The following CSMD1 variants were observed in gnomAD, a reference collection of about 807,000 sequenced individuals.
The protein encoded by CSMD1 is CUB and Sushi multiple domains 1, also known as CUB and sushi domain-containing protein 1.
In CSMD1, 213 loss-of-function variants were observed where a neutral mutation model predicts 417.5. The ratio of observed to expected loss-of-function variants is 0.51; its 90% CI spans 0.46 to 0.57. The LOEUF (loss-of-function observed/expected upper bound fraction) is 0.57, where lower values mean the gene tolerates loss of function less well. Ranked by LOEUF, CSMD1 falls within the 20% of genes least tolerant of loss-of-function variation. The pLI is 0.00. For synonymous variants in CSMD1, 2,862 were observed against 1,736.8 expected (o/e 1.65, Z -16.11); for missense variants, 6,923 against 4,529.7 (o/e 1.53, Z -15.17).
chr8:4,218,151 T>G (rs895464474), intron 3 of CSMD1, among the ~76,000 whole-genome samples: 2 of 152,200 alleles, frequency 1.3e-5, no homozygotes, highest in African/African-American at 4.8e-5. Context: ...TCCTACATGC[T>G]GAACGTTCTA....
chr8:3,365,080 G>T lies in CSMD1; in HGVS notation c.3115+1952C>A, dbSNP rs1291152870. On this transcript the variant is annotated intron_variant, in intron 20 of 69. Coordinates refer to ENST00000635120, the MANE Select transcript of CSMD1 (RefSeq NM_033225.6). ...GTCCTGATGAAAGTAAGAACTGGAG[G>T]AAGTGATATTCTCATAGCAATACTA... Among the ~76,000 whole-genome samples the T allele has an allele frequency of 5.3e-5, 8 of 152,160 alleles. 1 individual carries two copies. In the South Asian group the frequency reaches 1.7e-3, roughly 31 times the overall value.
intron 54 of CSMD1, among the ~76,000 whole-genome samples, chr8:2,989,564 A>G (rs1806201256): frequency 6.6e-6 from 1 of 152,232 alleles, no homozygotes. Flanking sequence ...TAAAAAACAA[A>G]GGCTACATTA....
At chr8:4,191,744 C>A (rs376210491) in intron 3 of CSMD1, among the ~76,000 whole-genome samples, 885 of 135,294 alleles carry the variant, frequency 6.5e-3, no homozygotes, top group Non-Finnish European at 8.7e-3. Context: ...AAGGTCATTC[C>A]AAAAAAAAAA....
chr8:4,451,666 G>C (rs2129827194), intron 2 of CSMD1, among the ~76,000 whole-genome samples: 1 of 152,204 alleles, frequency 6.6e-6, no homozygotes, highest in South Asian at 2.1e-4. Flanking sequence ...TTAGTCAATT[G>C]AGTTCACTGA....
intron 4 of CSMD1, among the ~76,000 whole-genome samples, chr8:4,007,432 G>T (rs544344773): frequency 6.6e-6 from 1 of 152,110 alleles, no homozygotes; most frequent in Non-Finnish European, 1.5e-5. Context: ...ATGACCACCT[G>T]CCTGAGAAGC....
intron 1 of CSMD1, among the ~76,000 whole-genome samples, chr8:4,696,938 C>G (rs1282964023): frequency 6.6e-6 from 1 of 152,160 alleles, no homozygotes; most frequent in Non-Finnish European, 1.5e-5. Flanking sequence ...CTTTAGGAGG[C>G]CGAGCTGGGT....
intron 7 of CSMD1, among the ~76,000 whole-genome samples, chr8:3,629,374 G>T (rs193022707): frequency 6.6e-6 from 1 of 152,154 alleles, no homozygotes; most frequent in Admixed American, 6.5e-5. Flanking sequence ...ATTTATATGT[G>T]TATTTAGTTA....
At chr8:3,935,893 G>C (rs953163868) in intron 5 of CSMD1, among the ~76,000 whole-genome samples, 1 of 152,186 alleles carries the variant, frequency 6.6e-6, no homozygotes, top group Non-Finnish European at 1.5e-5. Flanking sequence ...TATACTTAAA[G>C]ATGAGACAGG....
Position 3,162,190 on chromosome 8 carries a change from G to A in CSMD1, c.5813C>T (p.Ser1938Phe), listed in dbSNP as rs930117621. Reference sequence around the variant, plus strand: ...GGTGTACCCGGGCTCGCACTGGAAGGAGAGCACGTCGTTCACCATGTACCG... The same window carrying A: ...GGTGTACCCGGGCTCGCACTGGAAGAAGAGCACGTCGTTCACCATGTACCG... ...GDRYMVNDVL[S>F]FQCEPGYTLQ... Residue 1938 changes from serine (S) to phenylalanine (F), a missense_variant, in exon 38 of 70, where the codon TCC becomes TTC. By Grantham distance (155) the Ser-to-Phe change is radical. Transcript: ENST00000635120. The A allele has an allele frequency of 1.2e-6, 2 of 1,610,060 alleles. No individual in the cohort carries two copies. The highest frequency in any genetic ancestry group is 1.7e-5 in the Admixed American group (1 of 59,674).
At chr8:4,193,839 G>A (rs1392053445) in intron 3 of CSMD1, among the ~76,000 whole-genome samples, 7 of 151,994 alleles carry the variant, frequency 4.6e-5, no homozygotes, top group South Asian at 2.1e-4. Context: ...CAGTTCAGCC[G>A]TGTTTCCCAT....
At chr8:4,032,996 C>A (rs569066880) in intron 3 of CSMD1, among the ~76,000 whole-genome samples, 5 of 152,046 alleles carry the variant, frequency 3.3e-5, no homozygotes, top group Non-Finnish European at 7.4e-5. Flanking sequence ...TTTGCGGAAG[C>A]CTGCTACCTG....
intron 17 of CSMD1, among the ~76,000 whole-genome samples, chr8:3,394,638 G>A (rs200581921): frequency 0.18 from 5 of 28 alleles, no homozygotes; most frequent in African/African-American, 0.29. Context: ...GTTGGGGGGA[G>A]GGGTGTGGGA....
At chr8:4,848,820 A>C (rs1408691257) in intron 1 of CSMD1, among the ~76,000 whole-genome samples, 1 of 152,272 alleles carries the variant, frequency 6.6e-6, no homozygotes, top group Non-Finnish European at 1.5e-5. Context: ...CTGGGATTAC[A>C]GGCGTGAGCC....
chr8:3,919,306 T>A (rs900387384), intron 5 of CSMD1, among the ~76,000 whole-genome samples: 1 of 151,736 alleles, frequency 6.6e-6, no homozygotes, highest in Non-Finnish European at 1.5e-5. Flanking sequence ...AAGTCCTTCA[T>A]CAATTTTGTG....
intron 1 of CSMD1, among the ~76,000 whole-genome samples, chr8:4,663,035 C>T (rs1478277): frequency 2.1e-4 from 32 of 152,206 alleles, no homozygotes; most frequent in African/African-American, 6.7e-4. Context: ...AATCTCTGTT[C>T]CAGCCCAGAG....
intron 1 of CSMD1, chr8:4,788,509 C>G (rs1305782325): frequency 4.5e-5 from 62 of 1,389,722 alleles, no homozygotes; most frequent in Non-Finnish European, 5.7e-5. Context: ...TAGTATGGAG[C>G]AAACTGTGAG....
chr8:4,505,046 G>C (rs555632852), intron 2 of CSMD1, among the ~76,000 whole-genome samples: 68 of 152,218 alleles, frequency 4.5e-4, no homozygotes, highest in African/African-American at 1.5e-3. Context: ...AGATCCTTGA[G>C]GAACTGCCAC....
At chr8:3,548,822 A>G (rs1014596023) in intron 10 of CSMD1, among the ~76,000 whole-genome samples, 2 of 151,980 alleles carry the variant, frequency 1.3e-5, no homozygotes, top group South Asian at 4.2e-4. Context: ...TTCAGAGCAA[A>G]GCCACCCTTG....
intron 7 of CSMD1, among the ~76,000 whole-genome samples, chr8:3,632,966 A>G (rs1796857023): frequency 6.6e-6 from 1 of 152,238 alleles, no homozygotes; most frequent in African/African-American, 2.4e-5. Context: ...CACTTTAATA[A>G]CACTTTGAAA....
Sources: gnomAD v4.1 joint callset for allele counts (sites outside exome capture counted in the v4.1 genomes callset) on GRCh38, gnomAD v4.1.1 for gene constraint, MANE v1.5 for transcripts, NCBI Gene and HGNC (gene_info 2026-07-23, HGNC 2026-07-21) for gene names.